The following TSPAN11 variants were observed in gnomAD, a reference collection of about 807,000 sequenced individuals.
TSPAN11 encodes tetraspanin-11.
A neutral mutation model predicts 32.9 loss-of-function variants in TSPAN11; 29 were observed. The ratio of observed to expected loss-of-function variants is 0.88; its 90% CI spans 0.66 to 1.20. The LOEUF is 1.20. TSPAN11 is among the 50% of genes most tolerant of loss of function. TSPAN11 has a pLI of 0.00. For synonymous variants in TSPAN11, 140 were observed against 141.3 expected (o/e 0.99, Z 0.07); for missense variants, 283 against 329.1 (o/e 0.86, Z 1.08).
chr12:30,978,509 T>A, intron 3 of TSPAN11, 52 bp from the exon 4 acceptor site: 1 of 1,582,024 alleles, frequency 6.3e-7, no homozygotes, highest in Non-Finnish European at 8.7e-7. Context: ...GAAACATTTG[T>A]CATAGCAGCA....
At chr12:30,952,687 G>C (rs995328005) in intron 1 of TSPAN11, among the ~76,000 whole-genome samples, 1 of 152,112 alleles carries the variant, frequency 6.6e-6, no homozygotes. Flanking sequence ...TGGTCCAGTT[G>C]GGGGTTGGAA....
At chr12:31,004,032 A>G in the TSPAN11 span, among the ~76,000 whole-genome samples, 2 of 152,170 alleles carry the variant, frequency 1.3e-5, no homozygotes, top group South Asian at 4.1e-4. Flanking sequence ...AGGCAGGTGG[A>G]GGCTGGAGAA....
chr12:31,013,461 T>C, the TSPAN11 span, among the ~76,000 whole-genome samples: 1 of 151,918 alleles, frequency 6.6e-6, no homozygotes, highest in South Asian at 2.1e-4. Flanking sequence ...CACAGGTCTG[T>C]AGTCTCAGCT....
chr12:30,970,945 T>C (rs1938836550), intron 3 of TSPAN11, among the ~76,000 whole-genome samples: 1 of 152,214 alleles, frequency 6.6e-6, no homozygotes, highest in Non-Finnish European at 1.5e-5. Flanking sequence ...CTGAAACAGC[T>C]GGCTTCACTT....
At chr12:30,983,555 G>A (rs1415298623) in intron 7 of TSPAN11, among the ~76,000 whole-genome samples, 6 of 150,722 alleles carry the variant, frequency 4.0e-5, no homozygotes, top group Non-Finnish European at 8.8e-5. Flanking sequence ...GCTTGTGCAT[G>A]TGTGTGTGAG....
At chr12:30,974,161 C>A (rs1938911151) in intron 3 of TSPAN11, among the ~76,000 whole-genome samples, 1 of 152,252 alleles carries the variant, frequency 6.6e-6, no homozygotes, top group Admixed American at 6.5e-5. Context: ...GTTTCCAGCT[C>A]TTCGGGAGCT....
the TSPAN11 span, among the ~76,000 whole-genome samples, chr12:31,013,322 A>C: frequency 6.6e-6 from 1 of 152,148 alleles, no homozygotes; most frequent in African/African-American, 2.4e-5. Context: ...GGTAGGGAGC[A>C]GTGGCTCACA....
At chr12:30,937,729 C>T (rs1193980418) in intron 1 of TSPAN11, among the ~76,000 whole-genome samples, 2 of 152,132 alleles carry the variant, frequency 1.3e-5, no homozygotes, top group Non-Finnish European at 2.9e-5. Context: ...CACCTGGAAA[C>T]GTGTTAGAAA....
At chr12:30,954,164 G>A in intron 2 of TSPAN11, 89 bp downstream of exon 2, 1 of 904,808 alleles carries the variant, frequency 1.1e-6, no homozygotes, top group Non-Finnish European at 1.8e-6. Context: ...CTTTGAGGTT[G>A]ATATCTTCCA....
At chr12:30,936,403 A>C (rs538946331) in intron 1 of TSPAN11, among the ~76,000 whole-genome samples, 1 of 152,318 alleles carries the variant, frequency 6.6e-6, no homozygotes, top group East Asian at 1.9e-4. Context: ...ATTGTGTGCC[A>C]CGTAGTGAGG....
intron 5 of TSPAN11, among the ~76,000 whole-genome samples, chr12:30,981,848 C>G (rs1222803571): frequency 6.6e-6 from 1 of 152,254 alleles, no homozygotes. Context: ...GCGACAGCCT[C>G]ACAGCAGCCC....
intron 2 of TSPAN11, among the ~76,000 whole-genome samples, chr12:30,960,295 C>T (rs1033842960): frequency 1.3e-5 from 2 of 151,882 alleles, no homozygotes; most frequent in Non-Finnish European, 2.9e-5. Flanking sequence ...ACAAAGTCTA[C>T]TATCACCCTG....
intron 7 of TSPAN11, among the ~76,000 whole-genome samples, chr12:30,991,016 A>C (rs1444270271): frequency 6.6e-6 from 1 of 152,164 alleles, no homozygotes; most frequent in Non-Finnish European, 1.5e-5. Flanking sequence ...AGGGCCCATG[A>C]AGAGCAAGGA....
rs1228336597 is a variant in TSPAN11, at chr12:30,992,852, C to A, written c.*937C>A. 1 of 152,432 alleles carries A rather than the reference C, an allele frequency of 6.6e-6. No individual in the cohort carries two copies. Among genetic ancestry groups the A allele is most frequent in the Non-Finnish European group, 1.5e-5 (1 of 68,278 alleles). The allele number at this position is 152,432 out of a possible 1,614,324, so 9.4% of individuals were successfully genotyped here. On this transcript the variant is annotated 3_prime_UTR_variant, in exon 8 of 8. Coordinates refer to ENST00000546076, the MANE Select transcript of TSPAN11 (RefSeq NM_001370302.1). ...CTGAATAGAGGGGCATCTGCCTGAA[C>A]CTCACTTTTCCTGGGGCCCTCTCCT...
chr12:30,991,810 A>G, intron 7 of TSPAN11, 46 bp from the exon 8 acceptor site: 1 of 1,610,836 alleles, frequency 6.2e-7, no homozygotes, highest in Non-Finnish European at 8.5e-7. Context: ...GGCAGCTTCC[A>G]GGAGTTCTGA....
rs1230671678 is a variant in TSPAN11, at chr12:30,950,837, T to TAC, written c.-11-3134_-11-3133dup. On this transcript the variant is annotated intron_variant, in intron 1 of 7. Coordinates refer to ENST00000546076, the MANE Select transcript of TSPAN11 (RefSeq NM_001370302.1). The stretch of plus-strand genomic sequence containing the variant: ...AGAAAGGGAGAAGAGAGACATCCCC[T>TAC]ACACACACACATTGAGGATACCTCT... 5.9e-5 allele frequency among the ~76,000 whole-genome samples: 9 copies of TAC among 152,240 alleles called. No individual in the cohort carries two copies. In the South Asian group the frequency reaches 1.7e-3, roughly 28 times the overall value.
the TSPAN11 span, among the ~76,000 whole-genome samples, chr12:31,010,315 G>A: frequency 1.1e-4 from 16 of 152,240 alleles, no homozygotes; most frequent in Admixed American, 5.9e-4. Context: ...AAACAGAGAC[G>A]GAGAAGATGG....
At chr12:30,943,786 C>A (rs918862397) in intron 1 of TSPAN11, among the ~76,000 whole-genome samples, 1 of 152,226 alleles carries the variant, frequency 6.6e-6, no homozygotes, top group African/African-American at 2.4e-5. Context: ...GTCACAGTGT[C>A]CACTCATCGG....
chr12:30,961,892 C>A (rs1938620584), intron 2 of TSPAN11, among the ~76,000 whole-genome samples: 1 of 152,050 alleles, frequency 6.6e-6, no homozygotes. Flanking sequence ...CAAACCCTCA[C>A]ATTACACAAT....
Sources: gnomAD v4.1 joint callset for allele counts (sites outside exome capture counted in the v4.1 genomes callset) on GRCh38, gnomAD v4.1.1 for gene constraint, MANE v1.5 for transcripts, NCBI Gene and HGNC (gene_info 2026-07-23, HGNC 2026-07-21) for gene names.